Variants in FKBP5 observed in about 807,000 individuals in gnomAD.
FKBP5 encodes FKBP prolyl isomerase 5.
FKBP5 carries 23 observed loss-of-function variants against 50.5 expected under a neutral mutation model. That is an observed-to-expected ratio of 0.46 (90% CI 0.33 to 0.65). FKBP5 has a LOEUF of 0.65. Among genes scored for constraint, FKBP5 ranks in the 30% least tolerant of loss-of-function variants. The pLI is 0.02. For missense variants in FKBP5, 411 were observed against 553.1 expected (o/e 0.74, Z 2.58); for synonymous variants, 176 against 190.6 (o/e 0.92, Z 0.63).
intron 5 of FKBP5, among the ~76,000 whole-genome samples, chr6:35,615,575 G>A (rs1763627904): frequency 2.0e-5 from 3 of 152,086 alleles, no homozygotes; most frequent in Non-Finnish European, 4.4e-5. Flanking sequence ...ATAACTTATG[G>A]AATAAATATA....
chr6:35,633,985 C>T (rs1166934063), intron 3 of FKBP5, among the ~76,000 whole-genome samples: 1 of 151,972 alleles, frequency 6.6e-6, no homozygotes, highest in Non-Finnish European at 1.5e-5. Context: ...CTTTTTTTCT[C>T]CCAACTTGTA....
intron 1 of FKBP5, among the ~76,000 whole-genome samples, chr6:35,677,131 T>C (rs1380558006): frequency 6.6e-6 from 1 of 152,220 alleles, no homozygotes; most frequent in Non-Finnish European, 1.5e-5. Context: ...TGGAGTGCAG[T>C]GGCGCAATCT....
intron 2 of FKBP5, among the ~76,000 whole-genome samples, chr6:35,700,833 C>T (rs182719471): frequency 1.3e-5 from 2 of 152,150 alleles, no homozygotes; most frequent in African/African-American, 4.8e-5. Context: ...GTGGTGCACA[C>T]CTGTAATCCC....
chr6:35,615,853 C>T (rs897896395), intron 5 of FKBP5, among the ~76,000 whole-genome samples: 1 of 152,088 alleles, frequency 6.6e-6, no homozygotes. Context: ...ACCCAGTGTT[C>T]GAAGGTAACA....
intron 3 of FKBP5, among the ~76,000 whole-genome samples, chr6:35,622,960 A>G (rs1763888719): frequency 6.6e-6 from 1 of 152,214 alleles, no homozygotes; most frequent in African/African-American, 2.4e-5. Flanking sequence ...TTATTAGATA[A>G]GGCCGGGCGT....
chr6:35,673,541 G>GA (rs927628663), intron 1 of FKBP5, among the ~76,000 whole-genome samples: 6 of 149,342 alleles, frequency 4.0e-5, no homozygotes, highest in East Asian at 2.0e-4. Context: ...TGTCTCAAAA[G>GA]AAAAAAAAAG....
chr6:35,722,065 T>C (rs896097605), intron 1 of FKBP5, among the ~76,000 whole-genome samples: 3 of 151,524 alleles, frequency 2.0e-5, no homozygotes, highest in African/African-American at 7.3e-5. Context: ...ACCTTCCTCA[T>C]AGCAGCCTTC....
intron 7 of FKBP5, 44 bp from the exon 8 acceptor site, chr6:35,587,161 A>G (rs749472607): frequency 1.7e-5 from 26 of 1,565,002 alleles, no homozygotes; most frequent in Non-Finnish European, 2.2e-5. Context: ...CAGAGAGAAA[A>G]GCATCAGTTG....
At chr6:35,694,718 G>GT (rs1766055193) in intron 2 of FKBP5, among the ~76,000 whole-genome samples, 3 of 152,194 alleles carry the variant, frequency 2.0e-5, no homozygotes, top group Admixed American at 6.5e-5. Context: ...TTTAGTGTGT[G>GT]TTTTTTACGG....
intron 3 of FKBP5, among the ~76,000 whole-genome samples, chr6:35,623,539 T>C (rs535497683): frequency 1.3e-5 from 2 of 152,296 alleles, no homozygotes; most frequent in African/African-American, 2.4e-5. Flanking sequence ...TTGATAGTTA[T>C]TGCCCAACTG....
At chr6:35,584,357 G>A in intron 8 of FKBP5, 1 of 985,396 alleles carries the variant, frequency 1.0e-6, no homozygotes, top group Non-Finnish European at 1.2e-6. Context: ...TACCCATTTA[G>A]GTATAAACCA....
intron 2 of FKBP5, among the ~76,000 whole-genome samples, chr6:35,637,665 T>C (rs1764356532): frequency 6.6e-6 from 1 of 152,062 alleles, no homozygotes. Context: ...GGTTTCACCA[T>C]GTTGGCCAGG....
At chr6:35,679,754 G>A (rs892748735) in intron 1 of FKBP5, among the ~76,000 whole-genome samples, 11 of 152,226 alleles carry the variant, frequency 7.2e-5, no homozygotes, top group Admixed American at 6.5e-4. Context: ...TGATATAATG[G>A]ATTCTAGAGA....
At chr6:35,576,077 T>G (rs1337248694) in intron 10 of FKBP5, 135 bp from the exon 11 acceptor site, 2 of 701,726 alleles carry the variant, frequency 2.9e-6, no homozygotes, top group Non-Finnish European at 5.1e-6. Flanking sequence ...GCTGGGTAGG[T>G]CAGGGCTGTG....
At position 35,683,115 on chromosome 6, in the gene FKBP5, CGTATATGTGT is replaced by C. The variant is rs1356767721; in HGVS notation, c.-20+5679_-20+5688del. 7.4e-3 allele frequency among the ~76,000 whole-genome samples: 415 copies of C among 56,212 alleles called. 17 individuals are homozygous for C. The East Asian group carries it at 0.081, about 11-fold the overall frequency. The allele number at this position is 56,212 out of a possible 152,430, so 36.9% of individuals were successfully genotyped here. A position where few individuals can be genotyped will look rare whatever the true frequency, so the allele number is the denominator to read the frequency against. On this transcript the variant is annotated intron_variant, in intron 1 of 10. Coordinates refer to ENST00000357266, the MANE Select transcript of FKBP5 (RefSeq NM_004117.4). ...AAAAAAGTGTGTGTGTATATATATA[CGTATATGTGT>C]GTGTGTGTGTGTGTGTGTGTGTGTG...
At chr6:35,583,638 G>A in intron 8 of FKBP5, 3 of 915,952 alleles carry the variant, frequency 3.3e-6, no homozygotes, top group Non-Finnish European at 3.9e-6. Flanking sequence ...TAACTGGGTA[G>A]GATGCTACTG....
At chr6:35,709,214 A>C (rs4713919) in intron 2 of FKBP5, among the ~76,000 whole-genome samples, 8 of 152,036 alleles carry the variant, frequency 5.3e-5, no homozygotes, top group African/African-American at 1.9e-4. Context: ...GAGTGCTTGC[A>C]CGGGAAAACT....
At chr6:35,597,452 G>A in intron 5 of FKBP5, 48 bp from the exon 6 acceptor site, 1 of 1,567,122 alleles carries the variant, frequency 6.4e-7, no homozygotes, top group Non-Finnish European at 8.6e-7. Context: ...TCTTAGGACT[G>A]GCTAATTCAG....
At chr6:35,663,211 A>G (rs1433437797) in intron 1 of FKBP5, among the ~76,000 whole-genome samples, 1 of 152,226 alleles carries the variant, frequency 6.6e-6, no homozygotes, top group Admixed American at 6.5e-5. Context: ...GGCTTCTCAC[A>G]GGGCAAACGG....
Sources: allele counts gnomAD v4.1 joint callset (sites outside exome capture counted in the v4.1 genomes callset), GRCh38; gene constraint gnomAD v4.1.1; transcripts MANE v1.5; gene names NCBI Gene and HGNC (gene_info 2026-07-23, HGNC 2026-07-21).